Variants in GPLD1 observed in about 807,000 individuals in gnomAD.
The protein encoded by GPLD1 is glycosylphosphatidylinositol specific phospholipase D1.
GPLD1 carries 84 observed loss-of-function variants against 112.6 expected under a neutral mutation model. That is an observed-to-expected ratio of 0.75 (90% CI 0.63 to 0.89). The LOEUF (loss-of-function observed/expected upper bound fraction) is 0.89. Among genes scored for constraint, GPLD1 ranks in the 40% least tolerant of loss-of-function variants. The pLI is 0.00. For synonymous variants in GPLD1, 386 were observed against 403.8 expected (o/e 0.96, Z 0.53); for missense variants, 1,044 against 1,051.5 (o/e 0.99, Z 0.10).
intron 7 of GPLD1, among the ~76,000 whole-genome samples, chr6:24,469,210 G>A (rs1763717007): frequency 6.6e-6 from 1 of 150,946 alleles, no homozygotes; most frequent in Non-Finnish European, 1.5e-5. Flanking sequence ...CATTGTGGAA[G>A]TCAGTGTGGC....
At chr6:24,449,590 A>AGGC (rs1276124456) in intron 15 of GPLD1, among the ~76,000 whole-genome samples, 199 bp downstream of exon 15, 7 of 152,190 alleles carry the variant, frequency 4.6e-5, no homozygotes, top group African/African-American at 1.7e-4. Context: ...AAGGCCAGGG[A>AGGC]GGCAGCAGCA....
chr6:24,484,361 G>A (rs1764304133), intron 2 of GPLD1, among the ~76,000 whole-genome samples: 1 of 152,086 alleles, frequency 6.6e-6, no homozygotes, highest in African/African-American at 2.4e-5. Flanking sequence ...GACTATAGGT[G>A]TCTGCCACCA....
At chr6:24,451,759 C>T (rs748112641) in intron 14 of GPLD1, among the ~76,000 whole-genome samples, 25 of 152,328 alleles carry the variant, frequency 1.6e-4, no homozygotes, top group Non-Finnish European at 3.5e-4. Flanking sequence ...TCTCCACACC[C>T]GTGTGCAGTG....
In GPLD1 at chr6:24,473,618, C is replaced by A; in HGVS notation, c.490+1G>T. ...ATTTAGCAAATGTAAATAAACAGTACCAAAATCACCAGCCGAATGAGCCTC... is the reference window on the plus strand; with the variant it reads ...ATTTAGCAAATGTAAATAAACAGTAACAAAATCACCAGCCGAATGAGCCTC... On this transcript the variant is annotated splice_donor_variant, in intron 6 of 24. Coordinates refer to ENST00000230036, the MANE Select transcript of GPLD1 (RefSeq NM_001503.4). LOFTEE classifies it high-confidence loss of function. 1 of 1,597,540 alleles carries A rather than the reference C, an allele frequency of 6.3e-7. No individual in the cohort carries two copies. The highest frequency in any genetic ancestry group is 8.6e-7 in the Non-Finnish European group (1 of 1,165,402).
intron 10 of GPLD1, among the ~76,000 whole-genome samples, chr6:24,464,252 A>T (rs1303113942): frequency 1.3e-5 from 2 of 152,226 alleles, no homozygotes; most frequent in African/African-American, 4.8e-5. Flanking sequence ...TATGGTAAAA[A>T]TAGTATTGCT....
intron 7 of GPLD1, among the ~76,000 whole-genome samples, chr6:24,471,516 C>A (rs1349808844): frequency 1.3e-5 from 2 of 152,060 alleles, no homozygotes; most frequent in African/African-American, 2.4e-5. Context: ...TATTGTAGAT[C>A]AGCAAGGAAA....
At chr6:24,465,893 G>T (rs1238988234) in intron 10 of GPLD1, among the ~76,000 whole-genome samples, 1 of 152,148 alleles carries the variant, frequency 6.6e-6, no homozygotes, top group Non-Finnish European at 1.5e-5. Flanking sequence ...AGCTCTATTT[G>T]CTTCTGTTTT....
rs1762232692 is a variant in GPLD1 at position 24,426,194 on chromosome 6, G to A, written c.*2838C>T. On this transcript the variant is annotated 3_prime_UTR_variant, in exon 25 of 25. Coordinates refer to ENST00000230036, the MANE Select transcript of GPLD1 (RefSeq NM_001503.4). ...ATAAAGATAAATTTCAGTTAAACTT[G>A]TATAAGTTCAGATTTCTGTTAATGA... The A allele has an allele frequency of 1.3e-5, 2 of 152,182 alleles. No homozygotes were observed. The highest frequency in any genetic ancestry group is 1.3e-4 in the Admixed American group (2 of 15,280). The allele number at this position is 152,182 out of a possible 1,614,324, so 9.4% of individuals were successfully genotyped here.
chr6:24,447,685 T>C (rs114187997), intron 17 of GPLD1, among the ~76,000 whole-genome samples, 192 bp downstream of exon 17: 1,712 of 152,318 alleles, frequency 0.011, 16 homozygotes, highest in South Asian at 0.047. Flanking sequence ...CTAGAAACTG[T>C]GGGTCACCTT....
intron 8 of GPLD1, 28 bp from the exon 9 acceptor site, chr6:24,466,967 T>G (rs1038635233): frequency 6.3e-7 from 1 of 1,595,928 alleles, no homozygotes; most frequent in Non-Finnish European, 8.6e-7. Flanking sequence ...ATTTTGGCTG[T>G]GAGTTGCAGT....
exon 1 of GPLD1, chr6:24,495,039 C>T (rs1764659574): frequency 7.4e-7 from 1 of 1,351,194 alleles, no homozygotes; most frequent in Non-Finnish European, 9.5e-7. Flanking sequence ...GGCCCGGCGC[C>T]TCGGGTCGAC....
intron 14 of GPLD1, among the ~76,000 whole-genome samples, chr6:24,452,030 GAC>G (rs1204499569): frequency 6.6e-6 from 1 of 151,978 alleles, no homozygotes; most frequent in Non-Finnish European, 1.5e-5. Flanking sequence ...TATCAATGAG[GAC>G]ACAGAGATGC....
intron 2 of GPLD1, among the ~76,000 whole-genome samples, chr6:24,484,233 A>G (rs1008623495): frequency 7.5e-5 from 11 of 147,412 alleles, no homozygotes; most frequent in South Asian, 2.2e-4. Context: ...GTTTTTTGAG[A>G]TGAGGCCTTG....
At chr6:24,425,418 G>A (rs1762200486), downstream of GPLD1, 1 of 152,160 alleles carries the variant, frequency 6.6e-6, no homozygotes, top group Non-Finnish European at 1.5e-5. Context: ...GAAAAATAAT[G>A]TAACTACCTC....
chr6:24,450,522 A>G (rs1278014672), intron 14 of GPLD1, among the ~76,000 whole-genome samples: 4 of 152,136 alleles, frequency 2.6e-5, no homozygotes, highest in Non-Finnish European at 4.4e-5. Context: ...CAAACAAAAA[A>G]GAAAGTATCT....
chr6:24,474,206 C>CACATATAT (rs1386205113), intron 5 of GPLD1, among the ~76,000 whole-genome samples: 10 of 120,734 alleles, frequency 8.3e-5, no homozygotes, highest in African/African-American at 2.5e-4. Context: ...CACACACACA[C>CACATATAT]ATATATATGC....
At chr6:24,453,497 C>G (rs796568116) in intron 14 of GPLD1, among the ~76,000 whole-genome samples, 16 of 152,128 alleles carry the variant, frequency 1.1e-4, no homozygotes, top group African/African-American at 3.9e-4. Context: ...TTAGCCGGGC[C>G]TGGTGGTGTG....
chr6:24,426,617 A>T lies in GPLD1; in HGVS notation c.*2415T>A, dbSNP rs985512131. 6.6e-6 allele frequency among the ~76,000 whole-genome samples: 1 copy of T among 152,212 alleles called. No homozygotes were observed. On this transcript the variant is annotated 3_prime_UTR_variant, in exon 25 of 25. Transcript: ENST00000230036. ...GAGGCCTTATCATTTAGTGAAGCATAAAAACTGACACTATATAAATGCATC... is the reference window on the plus strand; with the variant it reads ...GAGGCCTTATCATTTAGTGAAGCATTAAAACTGACACTATATAAATGCATC...
intron 22 of GPLD1, among the ~76,000 whole-genome samples, chr6:24,435,500 G>C (rs1762541476): frequency 6.6e-6 from 1 of 151,982 alleles, no homozygotes; most frequent in South Asian, 2.1e-4. Flanking sequence ...GTACATTTTT[G>C]TATTTTCTAA....
Sources: allele counts gnomAD v4.1 joint callset (sites outside exome capture counted in the v4.1 genomes callset), GRCh38; gene constraint gnomAD v4.1.1; transcripts MANE v1.5; gene names NCBI Gene and HGNC (gene_info 2026-07-23, HGNC 2026-07-21).